SLC12A2: variants seen among roughly 807,000 people sequenced by gnomAD.
SLC12A2 encodes the protein Na-K-2Cl cotransporter 1.
Under a neutral mutation model 136.3 loss-of-function variants are expected in SLC12A2, and 67 were observed. The ratio of observed to expected loss-of-function variants is 0.49; its 90% CI spans 0.40 to 0.60. The LOEUF (loss-of-function observed/expected upper bound fraction) is 0.60. Ranked by LOEUF, SLC12A2 falls within the 20% of genes least tolerant of loss-of-function variation. SLC12A2 has a pLI of 0.00. For synonymous variants in SLC12A2, 619 were observed against 562.9 expected, an observed-to-expected ratio of 1.10 and a Z score of -1.41; for missense variants, 1,322 against 1,534.7, an observed-to-expected ratio of 0.86 and a Z score of 2.32.
At chr5:128,177,010 ATATTT>A in intron 20 of SLC12A2, 90 bp from the exon 21 acceptor site, 1 of 692,468 alleles carries the variant, frequency 1.4e-6, no homozygotes. Context: ...GCTTCATATT[ATATTT>A]TGTTTATAAA....
At chr5:128,121,424 G>C (rs990832548) in intron 4 of SLC12A2, among the ~76,000 whole-genome samples, 14 of 151,954 alleles carry the variant, frequency 9.2e-5, no homozygotes, top group Non-Finnish European at 1.5e-5. Context: ...CTGGGTTCAC[G>C]CCATTCTCCT....
chr5:128,123,765 A>G (rs977786549), intron 4 of SLC12A2, among the ~76,000 whole-genome samples: 2 of 152,176 alleles, frequency 1.3e-5, no homozygotes, highest in Non-Finnish European at 2.9e-5. Flanking sequence ...CAATGGCATC[A>G]TTAGAAAAGT....
chr5:128,134,955 C>T (rs1289308658), intron 6 of SLC12A2, among the ~76,000 whole-genome samples: 2 of 152,012 alleles, frequency 1.3e-5, no homozygotes, highest in African/African-American at 4.8e-5. Flanking sequence ...TTTTTTCAAT[C>T]TTGTTCTTTA....
rs1368041025 is a variant in SLC12A2 at position 128,177,033 on chromosome 5, T to A, written c.2930-72T>A. 4 of 912,260 alleles carry A rather than the reference T, an allele frequency of 4.4e-6. No individual in the cohort carries two copies. In the African/African-American group the frequency reaches 7.1e-5, roughly 16 times the overall value. 56.5% of individuals were successfully genotyped at this position (912,260 alleles called of 1,614,324 possible). On this transcript the variant is annotated intron_variant, in intron 20 of 26. Transcript: ENST00000262461. ...TTATATTTTGTTTATAAATGTGCTCTGATTACATTTTTATTATTTTATTAA... is the reference window on the plus strand; with the variant it reads ...TTATATTTTGTTTATAAATGTGCTCAGATTACATTTTTATTATTTTATTAA...
intron 4 of SLC12A2, among the ~76,000 whole-genome samples, chr5:128,128,011 T>C (rs1385686535): frequency 1.3e-5 from 2 of 152,158 alleles, no homozygotes; most frequent in East Asian, 3.8e-4. Context: ...CTGTTAGGTA[T>C]ATCTCACTAA....
In SLC12A2 at chr5:128,084,635, C is replaced by T. The variant is rs114976399; in HGVS notation, c.681C>T (p.Tyr227=). ...TMDAVPRIDH[Y]RHTAAQLGEK... ...ACGCTGTGCCCAGGATCGATCACTA[C>T]CGGCACACAGCCGCGCAGCTGGGCG... Residue 227 remains tyrosine (Y), a synonymous_variant, in exon 1 of 27, where the codon TAC becomes TAT. Transcript: ENST00000262461. This position sits in a 1 kb window ranked among gnomAD's most constrained non-coding sequence, Gnocchi z 5.6. 6.2e-5 allele frequency: 100 copies of T among 1,613,394 alleles called. No homozygotes were observed. In the African/African-American group the frequency reaches 1.1e-3, roughly 18 times the overall value.
Position 128,188,625 on chromosome 5 carries a change from G to A in SLC12A2, c.*1994G>A, listed in dbSNP as rs967751117. On this transcript the variant is annotated 3_prime_UTR_variant, in exon 27 of 27. Coordinates refer to ENST00000262461, the MANE Select transcript of SLC12A2 (RefSeq NM_001046.3). ...ATGAATCTTGATAGACATCTATAAC[G>A]TTATTATTTTCAGTGGTGTGCAGCA... is the stretch of plus-strand genomic sequence containing the variant. 2.0e-5 allele frequency: 3 copies of A among 150,662 alleles called. No individual in the cohort carries two copies. Among genetic ancestry groups the A allele is most frequent in the Admixed American group, 6.6e-5 (1 of 15,050 alleles). The allele number at this position is 150,662 out of a possible 1,614,324, so 9.3% of individuals were successfully genotyped here.
intron 15 of SLC12A2, among the ~76,000 whole-genome samples, chr5:128,154,414 C>T (rs79963468): frequency 3.2e-5 from 4 of 123,350 alleles, no homozygotes; most frequent in Non-Finnish European, 7.0e-5. Flanking sequence ...GACCCTGTCT[C>T]AAAAAAAAAA....
intron 1 of SLC12A2, chr5:128,110,685 A>T: frequency 7.2e-7 from 1 of 1,383,818 alleles, no homozygotes; most frequent in Non-Finnish European, 1.0e-6. Flanking sequence ...CATTTTTACA[A>T]TGAGCTCTGC....
chr5:128,139,752 G>A (rs1762300235), intron 9 of SLC12A2, among the ~76,000 whole-genome samples: 1 of 152,172 alleles, frequency 6.6e-6, no homozygotes, highest in African/African-American at 2.4e-5. Context: ...GTAAATCTTA[G>A]TTTAATACTA....
At chr5:128,093,133 G>A (rs7713877) in intron 1 of SLC12A2, among the ~76,000 whole-genome samples, 1 of 151,740 alleles carries the variant, frequency 6.6e-6, no homozygotes, top group African/African-American at 2.4e-5. Flanking sequence ...GGAAGTTTTT[G>A]TTTTGTTCTG....
chr5:128,109,332 G>A (rs540674657), intron 1 of SLC12A2, among the ~76,000 whole-genome samples: 1 of 152,346 alleles, frequency 6.6e-6, no homozygotes, highest in Admixed American at 6.5e-5. Context: ...GGAAACCCAC[G>A]TGCCTGCCCT....
chr5:128,121,867 A>G lies in SLC12A2; in HGVS notation c.1048+7186A>G, dbSNP rs138434453. 3.9e-3 allele frequency among the ~76,000 whole-genome samples: 598 copies of G among 152,258 alleles called. 4 individuals carry two copies. Among genetic ancestry groups the G allele is most frequent in the African/African-American group, 0.014 (575 of 41,554 alleles). On this transcript the variant is annotated intron_variant, in intron 4 of 26. Transcript: ENST00000262461. ...AGAGCTTGGATTTTATAGAGTTTCC[A>G]CGGATCTGTACAACAGGTTTTGCAA...
chr5:128,151,168 T>C (rs1762687409), intron 13 of SLC12A2, 73 bp from the exon 14 acceptor site: 1 of 1,318,180 alleles, frequency 7.6e-7, no homozygotes, highest in Non-Finnish European at 1.0e-6. Flanking sequence ...AATGTTATTT[T>C]TTGAATACAT....
chr5:128,135,497 A>G (rs1274238093), intron 6 of SLC12A2, among the ~76,000 whole-genome samples: 2 of 151,978 alleles, frequency 1.3e-5, no homozygotes, highest in Non-Finnish European at 2.9e-5. Flanking sequence ...TTTTTTCCCC[A>G]GATATTTCTT....
At chr5:128,100,783 T>G (rs1760715091) in intron 1 of SLC12A2, among the ~76,000 whole-genome samples, 1 of 152,192 alleles carries the variant, frequency 6.6e-6, no homozygotes, top group Non-Finnish European at 1.5e-5. Context: ...ATTGTACAGT[T>G]ACTAATTGAT....
At chr5:128,167,971 G>A in intron 18 of SLC12A2, 104 bp downstream of exon 18, 3 of 588,948 alleles carry the variant, frequency 5.1e-6, no homozygotes, top group East Asian at 6.4e-5. Context: ...CTCTTGTAAT[G>A]GAAATATAAG....
chr5:128,104,372 C>T (rs1310429352), intron 1 of SLC12A2, among the ~76,000 whole-genome samples: 2 of 152,140 alleles, frequency 1.3e-5, no homozygotes, highest in African/African-American at 4.8e-5. Context: ...TGGCTTGTAC[C>T]TGTAATCCCA....
At chr5:128,116,151 G>A (rs1445708974) in intron 4 of SLC12A2, among the ~76,000 whole-genome samples, 2 of 152,150 alleles carry the variant, frequency 1.3e-5, no homozygotes, top group Non-Finnish European at 2.9e-5. Flanking sequence ...CTGTGTATTT[G>A]TAGGGGATCA....
Sources: gnomAD v4.1 joint callset for allele counts (sites outside exome capture counted in the v4.1 genomes callset) on GRCh38, gnomAD v4.1.1 for gene constraint, Gnocchi (gnomAD v3.1) non-coding constraint, MANE v1.5 for transcripts, NCBI Gene and HGNC (gene_info 2026-07-23, HGNC 2026-07-21) for gene names.